RUNX2: variants seen among roughly 807,000 people sequenced by gnomAD.
RUNX2 encodes RUNX family transcription factor 2.
A neutral mutation model predicts 51.7 loss-of-function variants in RUNX2; 10 were observed. That is an observed-to-expected ratio of 0.19 (90% CI 0.12 to 0.33). RUNX2 has a LOEUF of 0.33. Ranked by LOEUF, RUNX2 falls within the 10% of genes least tolerant of loss-of-function variation. The pLI, the probability that RUNX2 is intolerant of heterozygous loss-of-function variation, is 1.00. For synonymous variants in RUNX2, 276 were observed against 273.6 expected (o/e 1.01, Z -0.09); for missense variants, 562 against 691.3 (o/e 0.81, Z 2.10).
chr6:45,345,690 C>T (rs1581756774), intron 2 of RUNX2, among the ~76,000 whole-genome samples: 1 of 152,158 alleles, frequency 6.6e-6, no homozygotes, highest in South Asian at 2.1e-4. Context: ...ATAGGTCTTT[C>T]CACAGCCAAC....
At chr6:45,413,448 T>C (rs1797997429) in intron 2 of RUNX2, among the ~76,000 whole-genome samples, 1 of 142,346 alleles carries the variant, frequency 7.0e-6, no homozygotes, top group East Asian at 2.0e-4. Context: ...TTTTTTTTTT[T>C]TTTTTTTTGA....
intron 7 of RUNX2, among the ~76,000 whole-genome samples, chr6:45,534,423 A>T (rs1031937228): frequency 1.3e-5 from 2 of 152,218 alleles, no homozygotes; most frequent in Non-Finnish European, 2.9e-5. Flanking sequence ...AAATGTATGT[A>T]AAAGCAGTGA....
At chr6:45,414,060 A>C (rs900701519) in intron 2 of RUNX2, among the ~76,000 whole-genome samples, 1 of 152,156 alleles carries the variant, frequency 6.6e-6, no homozygotes, top group Non-Finnish European at 1.5e-5. Flanking sequence ...GAGGGGATCC[A>C]CTCCCACACC....
At position 45,392,707 on chromosome 6, in the gene RUNX2, A is replaced by AT. The variant is rs35963405; in HGVS notation, c.59-29872dup. On this transcript the variant is annotated intron_variant, in intron 2 of 8. Coordinates refer to ENST00000647337, the MANE Select transcript of RUNX2 (RefSeq NM_001024630.4). ...AATTACCTAGAAAATGCCTAGATCT[A>AT]TTTTTTTTTTTTTTATATTTATGCT... Among the ~76,000 whole-genome samples the AT allele has an allele frequency of 7.0e-3, 1,028 of 147,308 alleles. 10 individuals carry two copies. The highest frequency in any genetic ancestry group is 0.021 in the African/African-American group (850 of 40,078).
intron 5 of RUNX2, among the ~76,000 whole-genome samples, chr6:45,489,156 C>T (rs1800379290): frequency 6.6e-6 from 1 of 152,046 alleles, no homozygotes; most frequent in African/African-American, 2.4e-5. Flanking sequence ...CAGATATCTA[C>T]AAAGAAAAAT....
chr6:45,515,584 C>A (rs188081922), intron 7 of RUNX2, among the ~76,000 whole-genome samples: 4 of 152,202 alleles, frequency 2.6e-5, no homozygotes, highest in Non-Finnish European at 1.5e-5. Flanking sequence ...GAAAATAGAT[C>A]ACCGCAGGGC....
In RUNX2 at chr6:45,387,082, A is replaced by G. The variant is rs527400706; in HGVS notation, c.59-35511A>G. Among the ~76,000 whole-genome samples the G allele has an allele frequency of 7.9e-5, 12 of 152,338 alleles. No individual in the cohort carries two copies. In the South Asian group the frequency reaches 2.3e-3, roughly 29 times the overall value. ...AAGATGGCAGGAGAAATGCTAAAGA[A>G]GTAGAATTTTATATAACTTGGGTAC... On this transcript the variant is annotated intron_variant, in intron 2 of 8. Coordinates refer to ENST00000647337, the MANE Select transcript of RUNX2 (RefSeq NM_001024630.4).
intron 2 of RUNX2, among the ~76,000 whole-genome samples, chr6:45,339,415 T>C (rs1440907925): frequency 1.3e-5 from 2 of 152,284 alleles, no homozygotes; most frequent in African/African-American, 4.8e-5. Flanking sequence ...AAAGACAAAA[T>C]GCATATCCAA....
Position 45,418,606 on chromosome 6 carries a change from G to A in RUNX2, c.59-3987G>A, listed in dbSNP as rs147940554. Among the ~76,000 whole-genome samples the A allele has an allele frequency of 2.6e-5, 4 of 152,268 alleles. No homozygotes were observed. The East Asian group carries it at 7.7e-4, about 29-fold the overall frequency. On this transcript the variant is annotated intron_variant, in intron 2 of 8. Transcript: ENST00000647337. ...CCTCATGGTTTTCCTATGTGCCTACGATTAACAGGAGAGGTTTGGTTTAGG... is the reference window on the plus strand; with the variant it reads ...CCTCATGGTTTTCCTATGTGCCTACAATTAACAGGAGAGGTTTGGTTTAGG...
chr6:45,538,336 G>A (rs150416114), intron 7 of RUNX2, among the ~76,000 whole-genome samples: 5 of 152,110 alleles, frequency 3.3e-5, no homozygotes, highest in Non-Finnish European at 4.4e-5. Flanking sequence ...CCTCTGCCTC[G>A]CTCGCCATCT....
At chr6:45,490,925 A>G (rs1171573054) in intron 5 of RUNX2, among the ~76,000 whole-genome samples, 1 of 152,100 alleles carries the variant, frequency 6.6e-6, no homozygotes, top group Non-Finnish European at 1.5e-5. Context: ...TTAGCATTGC[A>G]TTTGTCCCCA....
intron 6 of RUNX2, among the ~76,000 whole-genome samples, chr6:45,501,701 G>A (rs1010337976): frequency 6.6e-6 from 1 of 152,174 alleles, no homozygotes; most frequent in African/African-American, 2.4e-5. Context: ...AGACAGATGA[G>A]CTGCCTTCTA....
chr6:45,428,418 C>T (rs530872005), intron 3 of RUNX2, among the ~76,000 whole-genome samples: 1 of 152,188 alleles, frequency 6.6e-6, no homozygotes, highest in East Asian at 1.9e-4. Flanking sequence ...TTCTCCCCCT[C>T]AGAAAAACAT....
intron 7 of RUNX2, among the ~76,000 whole-genome samples, chr6:45,516,430 A>T (rs890649384): frequency 2.0e-5 from 3 of 152,244 alleles, no homozygotes; most frequent in African/African-American, 7.2e-5. Context: ...TGAATTATAA[A>T]AGTCAGCACT....
intron 3 of RUNX2, among the ~76,000 whole-genome samples, chr6:45,426,745 A>G (rs1190692053): frequency 6.6e-6 from 1 of 152,242 alleles, no homozygotes; most frequent in Non-Finnish European, 1.5e-5. Context: ...TGTATATTTA[A>G]TAATACCTTT....
intron 2 of RUNX2, among the ~76,000 whole-genome samples, chr6:45,401,056 T>C (rs1207769179): frequency 1.3e-5 from 2 of 152,204 alleles, no homozygotes; most frequent in African/African-American, 4.8e-5. Context: ...ATTGGAAATT[T>C]TTCGTAATAA....
intron 5 of RUNX2, among the ~76,000 whole-genome samples, chr6:45,448,412 T>C (rs922482255): frequency 6.6e-6 from 1 of 152,158 alleles, no homozygotes; most frequent in Non-Finnish European, 1.5e-5. Flanking sequence ...AAGAGCTGTC[T>C]TTTGTAGGGT....
At chr6:45,517,489 T>G (rs1007338054) in intron 7 of RUNX2, among the ~76,000 whole-genome samples, 2 of 152,122 alleles carry the variant, frequency 1.3e-5, no homozygotes, top group Non-Finnish European at 2.9e-5. Flanking sequence ...CACTATAGAT[T>G]GTATGGAAGA....
rs1421156994 is a variant in RUNX2, at chr6:45,437,937, A to G, written c.581-10A>G. 1.9e-6 allele frequency: 3 copies of G among 1,592,590 alleles called. No individual in the cohort carries two copies. In the South Asian group the frequency reaches 3.3e-5, roughly 18 times the overall value. On this transcript the variant is annotated splice_polypyrimidine_tract_variant and intron_variant, in intron 4 of 8. Transcript: ENST00000647337. ...TATTCACTGTATATTTTCCCCTTTTATATCTGCAGGCAAGAGTTTCACCTT... is the reference window on the plus strand; with the variant it reads ...TATTCACTGTATATTTTCCCCTTTTGTATCTGCAGGCAAGAGTTTCACCTT...
Sources: gnomAD v4.1 joint callset for allele counts (sites outside exome capture counted in the v4.1 genomes callset) on GRCh38, gnomAD v4.1.1 for gene constraint, MANE v1.5 for transcripts, NCBI Gene and HGNC (gene_info 2026-07-23, HGNC 2026-07-21) for gene names.